Variants in RNF220 observed in about 807,000 individuals in gnomAD.
RNF220 encodes the protein ring finger protein 220, also known as E3 ubiquitin-protein ligase RNF220.
RNF220 carries 7 observed loss-of-function variants against 67.1 expected under a neutral mutation model. The ratio of observed to expected loss-of-function variants is 0.10; its 90% CI spans 0.06 to 0.20. The LOEUF (loss-of-function observed/expected upper bound fraction) is 0.20. Ranked by LOEUF, RNF220 falls within the 10% of genes least tolerant of loss-of-function variation. The probability of loss-of-function intolerance (pLI) is 1.00; values close to 1 mark genes in which losing one functional copy is unlikely to be tolerated. For missense variants in RNF220, 565 were observed against 740.3 expected, an observed-to-expected ratio of 0.76 and a Z score of 2.75; for synonymous variants, 270 against 283.2, an observed-to-expected ratio of 0.95 and a Z score of 0.47.
rs554986522 is a variant in RNF220 at position 44,636,815 on chromosome 1, A to G, written c.1126+653A>G. Among the ~76,000 whole-genome samples the G allele has an allele frequency of 1.7e-4, 26 of 152,332 alleles. No individual in the cohort carries two copies. The South Asian group carries it at 3.7e-3, about 22-fold the overall frequency. On this transcript the variant is annotated intron_variant, in intron 8 of 14. Transcript: ENST00000361799. Reference sequence around the variant, plus strand: ...CCCCAGTTGCTACAAAGGAGTGTGCAGGGCCCTGCCCATCTCCAGTGCCCT... The same window carrying G: ...CCCCAGTTGCTACAAAGGAGTGTGCGGGGCCCTGCCCATCTCCAGTGCCCT...
intron 2 of RNF220, among the ~76,000 whole-genome samples, chr1:44,560,030 C>T (rs1044840535): frequency 2.6e-5 from 4 of 152,192 alleles, no homozygotes; most frequent in Non-Finnish European, 4.4e-5. Flanking sequence ...GGCTTCTGTC[C>T]TCAGTGCCCA....
At chr1:44,572,812 T>C (rs1395138338) in intron 2 of RNF220, among the ~76,000 whole-genome samples, 2 of 152,142 alleles carry the variant, frequency 1.3e-5, no homozygotes, top group African/African-American at 4.8e-5. Context: ...CCAAGTAACC[T>C]TTATTGTCTA....
chr1:44,425,575 A>G (rs995126085), intron 2 of RNF220, among the ~76,000 whole-genome samples: 8 of 152,166 alleles, frequency 5.3e-5, no homozygotes, highest in African/African-American at 1.7e-4. Context: ...GGAACGGTTC[A>G]GCAATAGGGC....
chr1:44,517,808 T>C (rs1021725874), intron 2 of RNF220, among the ~76,000 whole-genome samples: 6 of 152,242 alleles, frequency 3.9e-5, no homozygotes, highest in Non-Finnish European at 7.3e-5. Flanking sequence ...AGAGCTTGGA[T>C]TTAAATCCGC....
At chr1:44,442,542 C>T (rs1651674357) in intron 2 of RNF220, among the ~76,000 whole-genome samples, 1 of 132,396 alleles carries the variant, frequency 7.6e-6, no homozygotes, top group Non-Finnish European at 1.6e-5. Flanking sequence ...GAGACAGGGT[C>T]TCCCTCCTGT....
At chr1:44,483,258 A>C (rs1655999587) in intron 2 of RNF220, among the ~76,000 whole-genome samples, 1 of 152,062 alleles carries the variant, frequency 6.6e-6, no homozygotes, top group African/African-American at 2.4e-5. Flanking sequence ...CACACCTTTT[A>C]AAAGGATGAG....
In RNF220 at chr1:44,644,722, G is replaced by T; in HGVS notation, c.1151G>T (p.Gly384Val). 6.2e-7 allele frequency: 1 copy of T among 1,614,082 alleles called. No individual in the cohort carries two copies. The highest frequency in any genetic ancestry group is 8.5e-7 in the Non-Finnish European group (1 of 1,179,984). ...FRGSGFIMCS[G>V]KENPDSDADL... Reference sequence around the variant, plus strand: ...GGCTCTGGCTTCATCATGTGCAGCGGCAAAGAGAACCCGGACAGTGATGCT... The same window carrying T: ...GGCTCTGGCTTCATCATGTGCAGCGTCAAAGAGAACCCGGACAGTGATGCT... The change falls in exon 9 of 15, where the codon GGC becomes GTC. Residue 384 changes from glycine to valine, a missense_variant. Transcript: ENST00000361799.
intron 8 of RNF220, among the ~76,000 whole-genome samples, chr1:44,639,765 C>A (rs1049515466): frequency 6.6e-6 from 1 of 152,084 alleles, no homozygotes; most frequent in African/African-American, 2.4e-5. Flanking sequence ...CTTTTCTCTT[C>A]TTTTCTTTTC....
rs559088947 is a variant in RNF220 at position 44,515,896 on chromosome 1, C to T, written c.626-98269C>T. ...AAATTACATACACTTTCCTAAAATA[C>T]AGTCCTTTCACCCGGACCTGAAATA... On this transcript the variant is annotated intron_variant, in intron 2 of 14. Transcript: ENST00000361799. 2.8e-3 allele frequency among the ~76,000 whole-genome samples: 432 copies of T among 152,318 alleles called. 2 individuals carry two copies. Among genetic ancestry groups the T allele is most frequent in the African/African-American group, 9.6e-3 (401 of 41,578 alleles).
chr1:44,413,311 C>T (rs1369245247), intron 2 of RNF220, among the ~76,000 whole-genome samples: 2 of 152,136 alleles, frequency 1.3e-5, no homozygotes, highest in East Asian at 1.9e-4. Flanking sequence ...GCTAGAAAGC[C>T]GACTTCTCTT....
chr1:44,416,459 AC>A lies in RNF220; in HGVS notation c.625+3742del, dbSNP rs1048519992. Among the ~76,000 whole-genome samples the A allele has an allele frequency of 2.0e-5, 3 of 152,030 alleles. No individual in the cohort carries two copies. In the East Asian group the frequency reaches 5.8e-4, roughly 29 times the overall value. On this transcript the variant is annotated intron_variant, in intron 2 of 14. Coordinates refer to ENST00000361799, the MANE Select transcript of RNF220 (RefSeq NM_018150.4). ...TTGTGTTAGAATCTGTACATTTATTACCCCCTTAGCACTCTGGCTCCTGTCA... is the reference window on the plus strand; with the variant it reads ...TTGTGTTAGAATCTGTACATTTATTACCCCTTAGCACTCTGGCTCCTGTCA...
intron 2 of RNF220, among the ~76,000 whole-genome samples, chr1:44,433,390 G>A (rs1196274560): frequency 6.6e-6 from 1 of 152,118 alleles, no homozygotes; most frequent in Non-Finnish European, 1.5e-5. Context: ...GCTTCCACAG[G>A]AAACAGTTTG....
At chr1:44,452,318 C>A (rs1652769416) in intron 2 of RNF220, among the ~76,000 whole-genome samples, 2 of 152,034 alleles carry the variant, frequency 1.3e-5, no homozygotes, top group South Asian at 4.2e-4. Context: ...CTTTGGGTGG[C>A]TGAGGTGGGC....
intron 2 of RNF220, among the ~76,000 whole-genome samples, chr1:44,471,356 G>A (rs1352938281): frequency 6.6e-6 from 1 of 152,174 alleles, no homozygotes; most frequent in Non-Finnish European, 1.5e-5. Flanking sequence ...AACCTGGGAG[G>A]CAGAGGTTGT....
intron 8 of RNF220, among the ~76,000 whole-genome samples, chr1:44,641,932 C>T (rs928797473): frequency 6.6e-6 from 1 of 152,338 alleles, no homozygotes; most frequent in East Asian, 1.9e-4. Flanking sequence ...AGCTGCTGCC[C>T]GGCTGGGAGC....
At chr1:44,424,509 A>T (rs1003101463) in intron 2 of RNF220, among the ~76,000 whole-genome samples, 1 of 152,066 alleles carries the variant, frequency 6.6e-6, no homozygotes, top group Non-Finnish European at 1.5e-5. Flanking sequence ...GGAAGGTTTC[A>T]CCGAGGTGTT....
Position 44,604,894 on chromosome 1 carries a change from C to T in RNF220, c.626-9271C>T, listed in dbSNP as rs532534410. 3.9e-5 allele frequency among the ~76,000 whole-genome samples: 6 copies of T among 152,308 alleles called. No individual in the cohort carries two copies. The South Asian group carries it at 6.2e-4, about 16-fold the overall frequency. ...AGGAAAGATGGCAAGGGTATGTAGC[C>T]ATGAATGTTTCACACCTGTGTATTA... On this transcript the variant is annotated intron_variant, in intron 2 of 14. Coordinates refer to ENST00000361799, the MANE Select transcript of RNF220 (RefSeq NM_018150.4).
chr1:44,456,775 A>G (rs1048719737), intron 2 of RNF220, among the ~76,000 whole-genome samples: 4 of 152,116 alleles, frequency 2.6e-5, no homozygotes, highest in Non-Finnish European at 4.4e-5. Flanking sequence ...GATCGAACTT[A>G]TATTGCCATG....
At chr1:44,503,530 A>G (rs1302207527) in intron 2 of RNF220, among the ~76,000 whole-genome samples, 1 of 152,044 alleles carries the variant, frequency 6.6e-6, no homozygotes, top group East Asian at 1.9e-4. Context: ...TACCACATTA[A>G]AAGTATTTTG....
Sources: allele counts gnomAD v4.1 joint callset (sites outside exome capture counted in the v4.1 genomes callset), GRCh38; gene constraint gnomAD v4.1.1; transcripts MANE v1.5; gene names NCBI Gene and HGNC (gene_info 2026-07-23, HGNC 2026-07-21).